TM9SF4: variants seen among roughly 807,000 people sequenced by gnomAD.
TM9SF4 encodes dinucleotide oxidase disulfide thiol exchanger 3 superfamily member 4.
Under a neutral mutation model 90.4 loss-of-function variants are expected in TM9SF4, and 26 were observed. That is an observed-to-expected ratio of 0.29 (90% confidence interval 0.21 to 0.40). The LOEUF (loss-of-function observed/expected upper bound fraction) is 0.40. Ranked by LOEUF, TM9SF4 falls within the 10% of genes least tolerant of loss-of-function variation. TM9SF4 has a pLI of 1.00. For missense variants in TM9SF4, 549 were observed against 834.8 expected (o/e 0.66, Z 4.22); for synonymous variants, 293 against 315.4 (o/e 0.93, Z 0.75).
At position 32,162,846 on chromosome 20, in the gene TM9SF4, T is replaced by G. The variant is rs141670757; in HGVS notation, c.1779+1481T>G. 1.2e-4 allele frequency among the ~76,000 whole-genome samples: 19 copies of G among 152,114 alleles called. 1 individual carries two copies. In the East Asian group the frequency reaches 3.7e-3, roughly 29 times the overall value. Reference sequence around the variant, plus strand: ...CATAAGTGGCAAGTGACTAAAACTCTATCAAAGTAGCTTAAGCAAAAAAAA... The same window carrying G: ...CATAAGTGGCAAGTGACTAAAACTCGATCAAAGTAGCTTAAGCAAAAAAAA... On this transcript the variant is annotated intron_variant, in intron 17 of 17. Transcript: ENST00000398022.
intron 13 of TM9SF4, among the ~76,000 whole-genome samples, chr20:32,155,713 G>C (rs2046909782): frequency 1.3e-5 from 2 of 152,182 alleles, no homozygotes; most frequent in African/African-American, 4.8e-5. Flanking sequence ...TTGTGGGGAG[G>C]GGGAGTGGGG....
At chr20:32,142,091 G>A (rs2046690081) in intron 5 of TM9SF4, among the ~76,000 whole-genome samples, 196 bp downstream of exon 5, 2 of 151,966 alleles carry the variant, frequency 1.3e-5, no homozygotes, top group African/African-American at 4.8e-5. Context: ...ACAATTCTTA[G>A]GAAGTTAGGT....
At chr20:32,141,927 G>C (rs1480064805) in intron 5 of TM9SF4, 32 bp downstream of exon 5, 1 of 1,613,230 alleles carries the variant, frequency 6.2e-7, no homozygotes, top group African/African-American at 1.3e-5. Context: ...CACAGGACCG[G>C]GAGCCACACC....
chr20:32,165,238 C>A, intron 17 of TM9SF4, 57 bp from the exon 18 acceptor site: 1 of 1,602,130 alleles, frequency 6.2e-7, no homozygotes, highest in Non-Finnish European at 8.5e-7. Context: ...GGCCCCAGTT[C>A]GCCATGCAGC....
chr20:32,165,225 T>G, intron 17 of TM9SF4, 70 bp from the exon 18 acceptor site: 3 of 1,595,448 alleles, frequency 1.9e-6, no homozygotes, highest in Non-Finnish European at 1.7e-6. Context: ...TCAGTGAGAG[T>G]GGGGCCCCAG....
intron 12 of TM9SF4, 69 bp downstream of exon 12, chr20:32,150,944 A>G (rs776018463): frequency 5.1e-6 from 8 of 1,571,980 alleles, no homozygotes; most frequent in Non-Finnish European, 6.9e-6. Flanking sequence ...CCTCAGGAGA[A>G]GGTAGGCAGG....
chr20:32,117,098 C>A (rs1029040258), intron 1 of TM9SF4, among the ~76,000 whole-genome samples: 5 of 151,402 alleles, frequency 3.3e-5, no homozygotes, highest in African/African-American at 1.2e-4. Flanking sequence ...GTGGCAGGCA[C>A]CTGTCATCCC....
chr20:32,161,203 C>CAAGCAACT, intron 16 of TM9SF4, 73 bp from the exon 17 acceptor site: 1 of 1,332,264 alleles, frequency 7.5e-7, no homozygotes, highest in Non-Finnish European at 1.1e-6. Context: ...TTCAGCCCCT[C>CAAGCAACT]AAGCAACTGT....
At chr20:32,114,318 A>G (rs2046190584) in intron 1 of TM9SF4, among the ~76,000 whole-genome samples, 2 of 152,058 alleles carry the variant, frequency 1.3e-5, no homozygotes, top group African/African-American at 4.8e-5. Flanking sequence ...AAGGCACAGA[A>G]ACTGGTTTTG....
intron 1 of TM9SF4, among the ~76,000 whole-genome samples, chr20:32,121,427 G>C (rs1239513331): frequency 1.3e-5 from 2 of 152,028 alleles, no homozygotes; most frequent in East Asian, 3.9e-4. Context: ...CTGCCTTCAA[G>C]CATCTGTTTA....
intron 1 of TM9SF4, among the ~76,000 whole-genome samples, chr20:32,125,152 G>A (rs1044441096): frequency 2.6e-5 from 4 of 152,218 alleles, no homozygotes; most frequent in African/African-American, 9.6e-5. Context: ...AGCCCTTAGA[G>A]TGGGCCCACT....
chr20:32,121,361 G>A (rs1242264024), intron 1 of TM9SF4, among the ~76,000 whole-genome samples: 2 of 152,098 alleles, frequency 1.3e-5, no homozygotes, highest in Admixed American at 6.5e-5. Flanking sequence ...CTTCTGCAGC[G>A]TTTGTGTCCC....
intron 13 of TM9SF4, 104 bp downstream of exon 13, chr20:32,155,290 T>A: frequency 1.0e-6 from 1 of 994,858 alleles, no homozygotes; most frequent in Non-Finnish European, 1.6e-6. Flanking sequence ...TTCCCTTTTC[T>A]GAGTCCCCAG....
intron 17 of TM9SF4, among the ~76,000 whole-genome samples, chr20:32,165,023 G>T (rs1474421858): frequency 6.6e-6 from 1 of 152,144 alleles, no homozygotes; most frequent in African/African-American, 2.4e-5. Context: ...GGTCTGTGGG[G>T]GACCAGGAAG....
intron 15 of TM9SF4, 44 bp downstream of exon 15, chr20:32,158,558 G>T (rs753130180): frequency 6.2e-7 from 1 of 1,604,104 alleles, no homozygotes. Flanking sequence ...ATGCTAGCCG[G>T]GTCACTCCCA....
chr20:32,121,210 T>C (rs2046301139), intron 1 of TM9SF4, among the ~76,000 whole-genome samples: 1 of 49,498 alleles, frequency 2.0e-5, no homozygotes, highest in Non-Finnish European at 4.3e-5. Flanking sequence ...TTTATTTTTC[T>C]TTTTTTTTTT....
chr20:32,124,338 G>A (rs1294504125), intron 1 of TM9SF4, among the ~76,000 whole-genome samples: 1 of 152,198 alleles, frequency 6.6e-6, no homozygotes, highest in African/African-American at 2.4e-5. Flanking sequence ...ATTGGAAAGG[G>A]ATGGTCAAAG....
At chr20:32,133,198 G>C in intron 2 of TM9SF4, 72 bp downstream of exon 2, 1 of 1,394,458 alleles carries the variant, frequency 7.2e-7, no homozygotes, top group Non-Finnish European at 1.0e-6. Context: ...TGAGCTGTTC[G>C]TGTCCATCCT....
chr20:32,151,971 C>T (rs2046848346), intron 12 of TM9SF4, among the ~76,000 whole-genome samples: 1 of 151,872 alleles, frequency 6.6e-6, no homozygotes, highest in Non-Finnish European at 1.5e-5. Flanking sequence ...ACACTATTCT[C>T]CTGCCTCCAC....
Sources: allele counts gnomAD v4.1 joint callset (sites outside exome capture counted in the v4.1 genomes callset), GRCh38; gene constraint gnomAD v4.1.1; transcripts MANE v1.5; gene names NCBI Gene and HGNC (gene_info 2026-07-23, HGNC 2026-07-21).